The following THRB variants were observed in gnomAD, a reference collection of about 807,000 sequenced individuals.
THRB encodes the protein thyroid hormone receptor beta.
THRB carries 12 observed loss-of-function variants against 47.8 expected under a neutral mutation model. That is an observed-to-expected ratio of 0.25 (90% CI 0.16 to 0.41). The LOEUF (loss-of-function observed/expected upper bound fraction) is 0.41, where lower values mean the gene tolerates loss of function less well. Ranked by LOEUF, THRB falls within the 10% of genes least tolerant of loss-of-function variation. The pLI is 1.00. For synonymous variants in THRB, 218 were observed against 212.2 expected (o/e 1.03, Z -0.24); for missense variants, 348 against 589.2 (o/e 0.59, Z 4.24).
chr3:24,356,791 C>T (rs1173029631), intron 1 of THRB, among the ~76,000 whole-genome samples: 4 of 152,164 alleles, frequency 2.6e-5, no homozygotes, highest in South Asian at 4.1e-4. Context: ...GGATTCCTCC[C>T]TGGCCATATC....
intron 10 of THRB, among the ~76,000 whole-genome samples, chr3:24,126,649 C>T (rs762071678): frequency 1.1e-4 from 16 of 151,774 alleles, no homozygotes; most frequent in Non-Finnish European, 1.9e-4. Context: ...AGCACATCTA[C>T]ACTTGGGTGC....
At chr3:24,277,431 C>T (rs2054040545) in intron 3 of THRB, among the ~76,000 whole-genome samples, 1 of 152,132 alleles carries the variant, frequency 6.6e-6, no homozygotes. Flanking sequence ...CTTGTAGAAA[C>T]CCACGTCTCT....
At chr3:24,255,842 C>T (rs1366354160) in intron 3 of THRB, among the ~76,000 whole-genome samples, 1 of 152,142 alleles carries the variant, frequency 6.6e-6, no homozygotes, top group Non-Finnish European at 1.5e-5. Context: ...GTTGAAGGGT[C>T]TTAAGTGAAG....
intron 1 of THRB, among the ~76,000 whole-genome samples, chr3:24,347,631 CT>C (rs1223875321): frequency 1.3e-5 from 2 of 150,004 alleles, no homozygotes; most frequent in African/African-American, 4.9e-5. Flanking sequence ...TAAAAAATTT[CT>C]TTTTAAAGAA....
intron 1 of THRB, among the ~76,000 whole-genome samples, chr3:24,464,637 G>T (rs914357270): frequency 6.6e-6 from 1 of 151,964 alleles, no homozygotes; most frequent in Admixed American, 6.6e-5. Flanking sequence ...ATATATATTT[G>T]GACTCATTTC....
intron 1 of THRB, among the ~76,000 whole-genome samples, chr3:24,426,918 C>A (rs758630229): frequency 6.6e-6 from 1 of 151,944 alleles, no homozygotes; most frequent in Non-Finnish European, 1.5e-5. Flanking sequence ...AAATCAAAAA[C>A]ACTGTCTAGA....
intron 1 of THRB, chr3:24,459,477 C>T (rs2073498539): frequency 6.6e-6 from 1 of 152,108 alleles, no homozygotes; most frequent in South Asian, 2.1e-4. Context: ...GGGTATATAC[C>T]CAGTAATGGG....
intron 1 of THRB, among the ~76,000 whole-genome samples, chr3:24,359,733 T>C (rs1007850983): frequency 3.3e-5 from 5 of 152,170 alleles, no homozygotes; most frequent in African/African-American, 1.2e-4. Context: ...ACATTTTCAG[T>C]TGAGTTGTAT....
chr3:24,460,942 T>C (rs2073639471), intron 1 of THRB, among the ~76,000 whole-genome samples: 1 of 152,206 alleles, frequency 6.6e-6, no homozygotes, highest in Non-Finnish European at 1.5e-5. Flanking sequence ...TGGAAAGTTG[T>C]AAAGCCCCCC....
At chr3:24,471,911 C>T (rs1052297035) in intron 1 of THRB, among the ~76,000 whole-genome samples, 6 of 152,250 alleles carry the variant, frequency 3.9e-5, no homozygotes, top group African/African-American at 1.4e-4. Flanking sequence ...TCCCTTTGTT[C>T]CTCCCTTTGC....
intron 3 of THRB, among the ~76,000 whole-genome samples, chr3:24,287,185 C>T (rs2055398039): frequency 1.3e-5 from 2 of 152,132 alleles, no homozygotes; most frequent in African/African-American, 4.8e-5. Context: ...TCCTTTGCCA[C>T]TGAATAACTC....
At chr3:24,127,110 C>T (rs1172154531) in intron 10 of THRB, among the ~76,000 whole-genome samples, 1 of 152,172 alleles carries the variant, frequency 6.6e-6, no homozygotes, top group African/African-American at 2.4e-5. Flanking sequence ...AAATTCTAGC[C>T]TGCATCCGCG....
intron 1 of THRB, 31 bp from the exon 2 acceptor site, chr3:24,337,402 T>C (rs939980731): frequency 6.6e-6 from 1 of 152,158 alleles, no homozygotes; most frequent in African/African-American, 2.4e-5. Flanking sequence ...AAGATAAATA[T>C]AATTTGTTGT....
At chr3:24,298,658 C>T (rs1479440389) in intron 2 of THRB, among the ~76,000 whole-genome samples, 2 of 152,160 alleles carry the variant, frequency 1.3e-5, no homozygotes, top group Non-Finnish European at 2.9e-5. Flanking sequence ...TAAGAATTAT[C>T]GTCATCTCTA....
chr3:24,313,226 C>T (rs1042422378), intron 2 of THRB, among the ~76,000 whole-genome samples: 3 of 152,194 alleles, frequency 2.0e-5, no homozygotes, highest in Admixed American at 6.6e-5. Context: ...CCAACCTTCT[C>T]TCTTTCCTCT....
In THRB at chr3:24,131,470, G is replaced by A. The variant is rs73136691; in HGVS notation, c.885+1846C>T. ...GTATCTACTGACTTCTTTAGGGGTGGGGTATGAGTCATTGCTACTGCAAGG... is the reference window on the plus strand; with the variant it reads ...GTATCTACTGACTTCTTTAGGGGTGAGGTATGAGTCATTGCTACTGCAAGG... On this transcript the variant is annotated intron_variant, in intron 9 of 10. Transcript: ENST00000646209. Among the ~76,000 whole-genome samples the A allele has an allele frequency of 3.3e-3, 499 of 152,304 alleles. 2 individuals are homozygous for A. Among genetic ancestry groups the A allele is most frequent in the African/African-American group, 0.011 (472 of 41,558 alleles).
chr3:24,135,060 G>A (rs1225489558), intron 8 of THRB, among the ~76,000 whole-genome samples: 2 of 152,150 alleles, frequency 1.3e-5, no homozygotes, highest in African/African-American at 4.8e-5. Flanking sequence ...TGGAGCTTGG[G>A]AATCTGCATT....
At chr3:24,180,976 T>C (rs563542229) in intron 5 of THRB, among the ~76,000 whole-genome samples, 1 of 152,276 alleles carries the variant, frequency 6.6e-6, no homozygotes, top group Non-Finnish European at 1.5e-5. Flanking sequence ...AAGTTTTTTT[T>C]ATGGAAAATG....
At chr3:24,469,004 G>A (rs2074360593) in intron 1 of THRB, among the ~76,000 whole-genome samples, 1 of 152,056 alleles carries the variant, frequency 6.6e-6, no homozygotes, top group Non-Finnish European at 1.5e-5. Flanking sequence ...ATATATCTGA[G>A]GTCCAAACTC....
Sources: gnomAD v4.1 joint callset for allele counts (sites outside exome capture counted in the v4.1 genomes callset) on GRCh38, gnomAD v4.1.1 for gene constraint, MANE v1.5 for transcripts, NCBI Gene and HGNC (gene_info 2026-07-23, HGNC 2026-07-21) for gene names.